GPC5: variants seen among roughly 807,000 people sequenced by gnomAD.
The protein encoded by GPC5 is glypican-5.
Under a neutral mutation model 53.9 loss-of-function variants are expected in GPC5, and 47 were observed. That is an observed-to-expected ratio of 0.87 (90% CI 0.69 to 1.11). The LOEUF is 1.11. Ranked by LOEUF, GPC5 falls within the 50% of genes most tolerant of loss-of-function variation. The probability of loss-of-function intolerance (pLI) is 0.00; values close to 1 mark genes in which losing one functional copy is unlikely to be tolerated. For missense variants in GPC5, 748 were observed against 713.1 expected, an observed-to-expected ratio of 1.05 and a Z score of -0.56; for synonymous variants, 286 against 263.3, an observed-to-expected ratio of 1.09 and a Z score of -0.84.
intron 6 of GPC5, among the ~76,000 whole-genome samples, chr13:91,913,465 T>C (rs1353161430): frequency 6.6e-6 from 1 of 151,360 alleles, no homozygotes; most frequent in East Asian, 1.9e-4. Flanking sequence ...GCATACACAA[T>C]CTTAATTTTA....
intron 6 of GPC5, among the ~76,000 whole-genome samples, chr13:92,086,512 C>T (rs1359680680): frequency 6.6e-6 from 1 of 152,090 alleles, no homozygotes; most frequent in Admixed American, 6.6e-5. Flanking sequence ...TTCCAGTGGC[C>T]CTCTCACCTT....
At chr13:92,767,469 AAAAAAAG>A (rs1229242085) in intron 7 of GPC5, among the ~76,000 whole-genome samples, 5 of 152,116 alleles carry the variant, frequency 3.3e-5, no homozygotes, top group Admixed American at 1.3e-4. Flanking sequence ...AGACTGTCCA[AAAAAAAG>A]AAAAAAGAAA....
At chr13:91,830,408 T>C (rs1305329778) in intron 5 of GPC5, among the ~76,000 whole-genome samples, 1 of 151,934 alleles carries the variant, frequency 6.6e-6, no homozygotes, top group African/African-American at 2.4e-5. Flanking sequence ...GTTAAGACAA[T>C]TATCACAGGG....
At chr13:91,848,582 G>A (rs1311806886) in intron 5 of GPC5, among the ~76,000 whole-genome samples, 1 of 152,204 alleles carries the variant, frequency 6.6e-6, no homozygotes, top group African/African-American at 2.4e-5. Context: ...AGAGAAAGTA[G>A]AAGGGAACAA....
At chr13:91,706,918 AATTAAG>A (rs758619814) in intron 3 of GPC5, among the ~76,000 whole-genome samples, 4 of 152,210 alleles carry the variant, frequency 2.6e-5, no homozygotes, top group Non-Finnish European at 4.4e-5. Context: ...TGTAACAATA[AATTAAG>A]ATTAAAACAT....
intron 7 of GPC5, among the ~76,000 whole-genome samples, chr13:92,596,552 C>A (rs1001008393): frequency 1.3e-5 from 2 of 152,122 alleles, no homozygotes; most frequent in African/African-American, 4.8e-5. Flanking sequence ...TGGCTCACTG[C>A]AACCTCTGGC....
chr13:92,191,018 A>T (rs2139047648), intron 7 of GPC5, among the ~76,000 whole-genome samples: 1 of 152,274 alleles, frequency 6.6e-6, no homozygotes, highest in South Asian at 2.1e-4. Context: ...AAGCAAAAGG[A>T]TGGCAAAAGA....
At chr13:91,600,577 G>A (rs889654309) in intron 2 of GPC5, among the ~76,000 whole-genome samples, 2 of 151,722 alleles carry the variant, frequency 1.3e-5, no homozygotes, top group African/African-American at 2.4e-5. Flanking sequence ...ATGTTTATGA[G>A]AATCAAAAAG....
In GPC5 at chr13:92,228,603, A is replaced by G. The variant is rs116925689; in HGVS notation, c.1561+83614A>G. ...GTAGAGAAATAACTTCAAAAATCCT[A>G]AGGAAGATGATCTTGAATTAGAAAT... On this transcript the variant is annotated intron_variant, in intron 7 of 7. Transcript: ENST00000377067. Among the ~76,000 whole-genome samples the G allele has an allele frequency of 7.4e-3, 1,134 of 152,282 alleles. 6 individuals carry two copies. Among genetic ancestry groups the G allele is most frequent in the Non-Finnish European group, 0.012 (846 of 68,002 alleles).
chr13:91,435,576 G>T (rs1879872846), intron 1 of GPC5, among the ~76,000 whole-genome samples: 1 of 152,168 alleles, frequency 6.6e-6, no homozygotes, highest in Admixed American at 6.5e-5. Flanking sequence ...TATGCTGCTG[G>T]ATTCGATTTG....
chr13:91,858,425 T>C (rs1206472956), intron 5 of GPC5, among the ~76,000 whole-genome samples: 1 of 152,016 alleles, frequency 6.6e-6, no homozygotes, highest in Non-Finnish European at 1.5e-5. Context: ...GAAATGATCA[T>C]GCGGTTTTTG....
rs56707341 is a variant in GPC5, at chr13:92,654,867, G to A, written c.1562-211415G>A. On this transcript the variant is annotated intron_variant, in intron 7 of 7. Transcript: ENST00000377067. ...TTTTCAAATGTAATAAAGTTAAGACGAATTTACACTGGATTGCTAAAGATC... is the reference window on the plus strand; with the variant it reads ...TTTTCAAATGTAATAAAGTTAAGACAAATTTACACTGGATTGCTAAAGATC... Among the ~76,000 whole-genome samples the A allele has an allele frequency of 8.6e-3, 1,302 of 152,034 alleles. 19 individuals are homozygous for A. Among genetic ancestry groups the A allele is most frequent in the African/African-American group, 0.03 (1,249 of 41,482 alleles).
chr13:92,326,793 A>T (rs2182534), intron 7 of GPC5, among the ~76,000 whole-genome samples: 75,065 of 151,930 alleles, frequency 0.49, 20,787 homozygotes, highest in African/African-American at 0.77. Flanking sequence ...TCTGTGATTC[A>T]TTTTTATTTT....
At chr13:92,740,337 A>T (rs1889050563) in intron 7 of GPC5, among the ~76,000 whole-genome samples, 1 of 152,004 alleles carries the variant, frequency 6.6e-6, no homozygotes, top group Non-Finnish European at 1.5e-5. Flanking sequence ...AACATTTATC[A>T]ATTGAATAAA....
chr13:92,553,605 A>G (rs1882394507), intron 7 of GPC5, among the ~76,000 whole-genome samples: 1 of 151,984 alleles, frequency 6.6e-6, no homozygotes, highest in Non-Finnish European at 1.5e-5. Flanking sequence ...GATATGCAGA[A>G]TATATCGAAG....
intron 2 of GPC5, among the ~76,000 whole-genome samples, chr13:91,567,977 G>A (rs189588604): frequency 6.6e-6 from 1 of 152,200 alleles, no homozygotes; most frequent in East Asian, 1.9e-4. Flanking sequence ...CAGTGAGTGA[G>A]TTCTCACGAG....
At position 92,395,268 on chromosome 13, in the gene GPC5, A is replaced by T. The variant is rs569082638; in HGVS notation, c.1561+250279A>T. On this transcript the variant is annotated intron_variant, in intron 7 of 7. Transcript: ENST00000377067. Reference sequence around the variant, plus strand: ...TTTAGCATATCAATTATAAATTTTTAAAATTATTTTTACGGTTGTCCTAGA... The same window carrying T: ...TTTAGCATATCAATTATAAATTTTTTAAATTATTTTTACGGTTGTCCTAGA... 4.2e-3 allele frequency among the ~76,000 whole-genome samples: 638 copies of T among 152,272 alleles called. 8 individuals carry two copies. The highest frequency in any genetic ancestry group is 3.7e-3 in the Non-Finnish European group (254 of 68,004).
rs369589855 is a variant in GPC5, at chr13:92,029,193, G to A, written c.1402-115637G>A. 2.0e-5 allele frequency among the ~76,000 whole-genome samples: 3 copies of A among 152,200 alleles called. No homozygotes were observed. The East Asian group carries it at 5.8e-4, about 29-fold the overall frequency. On this transcript the variant is annotated intron_variant, in intron 6 of 7. Transcript: ENST00000377067. ...AGTGGATAAAACAAGTCATCTTTGT[G>A]AGGAAGAAAAAAGAAGGGGGAAAAT...
intron 5 of GPC5, among the ~76,000 whole-genome samples, chr13:91,848,678 A>G (rs1219003076): frequency 6.6e-6 from 1 of 152,208 alleles, no homozygotes; most frequent in African/African-American, 2.4e-5. Flanking sequence ...TATTTGGGAA[A>G]TACGATATTT....
Sources: gnomAD v4.1 joint callset for allele counts (sites outside exome capture counted in the v4.1 genomes callset) on GRCh38, gnomAD v4.1.1 for gene constraint, MANE v1.5 for transcripts, NCBI Gene and HGNC (gene_info 2026-07-23, HGNC 2026-07-21) for gene names.